The following TNRC6A variants were observed in gnomAD, a reference collection of about 807,000 sequenced individuals.
The protein encoded by TNRC6A is trinucleotide repeat-containing gene 6A protein.
Under a neutral mutation model 221.2 loss-of-function variants are expected in TNRC6A, and 44 were observed. The observed-to-expected ratio is 0.20, with a 90% CI of 0.16 to 0.26. TNRC6A has a LOEUF of 0.26. Ranked by LOEUF, TNRC6A falls within the 10% of genes least tolerant of loss-of-function variation. The pLI, the probability that TNRC6A is intolerant of heterozygous loss-of-function variation, is 1.00. For missense variants in TNRC6A, 2,199 were observed against 2,404.4 expected, an observed-to-expected ratio of 0.91 and a Z score of 1.79; for synonymous variants, 847 against 838.5, an observed-to-expected ratio of 1.01 and a Z score of -0.18.
intron 4 of TNRC6A, among the ~76,000 whole-genome samples, chr16:24,774,686 A>G (rs1466309454): frequency 2.0e-5 from 3 of 152,228 alleles, no homozygotes; most frequent in East Asian, 1.9e-4. Context: ...CACTAAGTCC[A>G]GTACTAAGCA....
At chr16:24,776,871 T>C (rs917653418) in intron 4 of TNRC6A, 62 bp from the exon 5 acceptor site, 9 of 1,541,324 alleles carry the variant, frequency 5.8e-6, no homozygotes, top group African/African-American at 1.4e-5. Context: ...TTTAGATGGC[T>C]TACTTTGGAG....
chr16:24,772,570 AGATCAGG>A (rs2057634515), intron 4 of TNRC6A, among the ~76,000 whole-genome samples: 1 of 152,054 alleles, frequency 6.6e-6, no homozygotes, highest in South Asian at 2.1e-4. Flanking sequence ...GGATCACCTG[AGATCAGG>A]AGTTCGAGAC....
upstream of TNRC6A, among the ~76,000 whole-genome samples, chr16:24,725,611 T>A (rs889276131): frequency 1.3e-5 from 2 of 151,950 alleles, no homozygotes; most frequent in Admixed American, 1.3e-4. Context: ...GCATAATCAA[T>A]GTTGTGTTCC....
At chr16:24,737,018 C>G (rs567191672) in intron 2 of TNRC6A, among the ~76,000 whole-genome samples, 2 of 152,114 alleles carry the variant, frequency 1.3e-5, no homozygotes, top group East Asian at 3.8e-4. Flanking sequence ...GCTTGTAATA[C>G]GCTTTCTTAA....
chr16:24,795,757 G>A, intron 8 of TNRC6A, 150 bp from the exon 9 acceptor site: 1 of 614,898 alleles, frequency 1.6e-6, no homozygotes, highest in Non-Finnish European at 2.8e-6. Context: ...GGACACTGAT[G>A]AATTTGAGAC....
chr16:24,634,529 T>C (rs1193026630), intron 1 of TNRC6A, among the ~76,000 whole-genome samples: 1 of 152,208 alleles, frequency 6.6e-6, no homozygotes, highest in Non-Finnish European at 1.5e-5. Flanking sequence ...ACATTATCAC[T>C]AGGACTATAA....
intron 2 of TNRC6A, among the ~76,000 whole-genome samples, chr16:24,690,223 T>G (rs1280699638): frequency 6.6e-6 from 1 of 151,880 alleles, no homozygotes; most frequent in Non-Finnish European, 1.5e-5. Context: ...TTGCCCAAGC[T>G]GGTCTCAAAC....
rs1217564696 is a variant in TNRC6A, at chr16:24,793,524, A to C, written c.3227A>C (p.Asn1076Thr). 6.4e-7 allele frequency: 1 copy of C among 1,551,728 alleles called. No homozygotes were observed. The highest frequency in any genetic ancestry group is 1.9e-5 in the Admixed American group (1 of 53,628). The change falls in exon 7 of 25, where the codon AAT (asparagine) becomes ACT (threonine). Residue 1076 changes from asparagine (N) to threonine (T), a missense_variant. Physicochemically the swap from Asn to Thr is moderately conservative, Grantham distance 65. This residue lies in a region of TNRC6A where 1,405 missense variants were observed against 1,400.2 expected (regional missense o/e 1.00). Coordinates refer to ENST00000395799, the MANE Select transcript of TNRC6A (RefSeq NM_014494.4). The part of the protein sequence containing the change: ...EPSTPATTVD[N>T]GTSAWGKPID... ...TCTACTCCAGCCACAACTGTGGATA[A>C]TGGTACTTCAGCATGGGGTAAGCCC... is the stretch of plus-strand genomic sequence containing the variant.
intron 1 of TNRC6A, among the ~76,000 whole-genome samples, chr16:24,623,733 T>A (rs141321076): frequency 1.5e-4 from 22 of 150,308 alleles, no homozygotes; most frequent in African/African-American, 2.2e-4. Context: ...TCTAAAAAAA[T>A]TAAAATAAAA....
intron 2 of TNRC6A, among the ~76,000 whole-genome samples, chr16:24,741,668 C>T (rs2056895588): frequency 6.6e-6 from 1 of 152,138 alleles, no homozygotes; most frequent in Non-Finnish European, 1.5e-5. Flanking sequence ...TTGCGTCCAC[C>T]TAATTCTGCA....
rs374351473 is a variant in TNRC6A, at chr16:24,617,038, G to A, written n.276+6554G>A. ...AACCTTCTTGATCTTTTGTGTGTGC[G>A]CTTGTTTTCTCAGTAAGAGAGAGAA... On this transcript the variant is annotated intron_variant and non_coding_transcript_variant, in intron 1 of 2. Coordinates refer to the TNRC6A transcript ENST00000566108. Among the ~76,000 whole-genome samples, 12 of 152,134 alleles carry A rather than the reference G, an allele frequency of 7.9e-5. No homozygotes were observed. The East Asian group carries it at 1.5e-3, about 20-fold the overall frequency.
At chr16:24,802,205 A>T (rs2058344907) in intron 11 of TNRC6A, among the ~76,000 whole-genome samples, 1 of 152,204 alleles carries the variant, frequency 6.6e-6, no homozygotes, top group African/African-American at 2.4e-5. Flanking sequence ...AGATTTGAGG[A>T]TTGAGAAAAC....
intron 1 of TNRC6A, among the ~76,000 whole-genome samples, chr16:24,611,112 T>C (rs1900037806): frequency 6.6e-6 from 1 of 152,016 alleles, no homozygotes; most frequent in Non-Finnish European, 1.5e-5. Flanking sequence ...TGAGTCCAGC[T>C]GGATTTTCTT....
At chr16:24,797,850 T>G in intron 10 of TNRC6A, 65 bp from the exon 11 acceptor site, 1 of 1,430,316 alleles carries the variant, frequency 7.0e-7, no homozygotes, top group Admixed American at 2.1e-5. Flanking sequence ...GTAAAATTCT[T>G]CATTTTTTAT....
chr16:24,805,036 G>T lies in TNRC6A; in HGVS notation c.4007G>T (p.Gly1336Val). The T allele has an allele frequency of 1.2e-6, 2 of 1,614,120 alleles. No homozygotes were observed. Among genetic ancestry groups the T allele is most frequent in the South Asian group, 1.1e-5 (1 of 91,080 alleles). The change falls in exon 14 of 25, where the codon GGT (glycine) becomes GTT (valine). Residue 1336 changes from glycine to valine, a missense_variant. Physicochemically the swap from Gly to Val is moderately radical, Grantham distance 109. Coordinates refer to ENST00000395799, the MANE Select transcript of TNRC6A (RefSeq NM_014494.4). ...TAGAATGGCAATCCCAGTATGTTTG[G>T]TGTTGGAAACACAGCAGCACAACCC... Reference protein sequence around the residue: ...VRQNGNPSMFGVGNTAAQPRG... With the variant: ...VRQNGNPSMFVVGNTAAQPRG...
intron 3 of TNRC6A, among the ~76,000 whole-genome samples, chr16:24,752,122 T>A (rs2057150947): frequency 6.6e-6 from 1 of 152,070 alleles, no homozygotes; most frequent in Non-Finnish European, 1.5e-5. Context: ...AAGTTTGTAT[T>A]TTAGTATGTT....
In TNRC6A at chr16:24,793,627, T is replaced by C; in HGVS notation, c.3330T>C (p.Gly1110=). The change falls in exon 7 of 25, where the codon GGT becomes GGC. Residue 1110 remains glycine, a synonymous_variant. Transcript: ENST00000395799. The part of the protein sequence containing the change: ...STSTWGSSSV[G]PQALSKSGPK... ...CCACGTGGGGCTCCAGCTCTGTTGG[T>C]CCACAAGCATTAAGCAAATCTGGTA... 1 of 1,520,060 alleles carries C rather than the reference T, an allele frequency of 6.6e-7. No individual in the cohort carries two copies. Among genetic ancestry groups the C allele is most frequent in the African/African-American group, 1.4e-5 (1 of 72,246 alleles). 94.2% of individuals were successfully genotyped at this position (1,520,060 alleles called of 1,614,324 possible).
intron 1 of TNRC6A, among the ~76,000 whole-genome samples, chr16:24,613,979 C>T: frequency 6.6e-6 from 1 of 152,208 alleles, no homozygotes; most frequent in Non-Finnish European, 1.5e-5. Context: ...TAACTCCTAA[C>T]TCTGTGAGTT....
chr16:24,803,230 C>G (rs557795977), intron 11 of TNRC6A, among the ~76,000 whole-genome samples: 1 of 152,108 alleles, frequency 6.6e-6, no homozygotes, highest in East Asian at 1.9e-4. Context: ...ACCAGCCTGG[C>G]CAACATGGGG....
Sources: allele counts gnomAD v4.1 joint callset (sites outside exome capture counted in the v4.1 genomes callset), GRCh38; gene constraint gnomAD v4.1.1; regional missense constraint gnomAD v4.1.1; transcripts MANE v1.5; gene names NCBI Gene and HGNC (gene_info 2026-07-23, HGNC 2026-07-21).